The following LRRC71 variants were observed in gnomAD, a reference collection of about 807,000 sequenced individuals.
LRRC71 encodes the protein leucine rich repeat containing 71.
In LRRC71, 54 loss-of-function variants were observed where a neutral mutation model predicts 66.6. That is an observed-to-expected ratio of 0.81 (90% CI 0.65 to 1.02). The LOEUF is 1.02. LRRC71 is among the 50% of genes least tolerant of loss of function. The pLI is 0.00. For synonymous variants in LRRC71, 323 were observed against 303.9 expected (o/e 1.06, Z -0.65); for missense variants, 724 against 718.0 (o/e 1.01, Z -0.10).
chr1:156,924,808 C>T (rs1652941025), intron 4 of LRRC71, 90 bp downstream of exon 4: 2 of 1,508,188 alleles, frequency 1.3e-6, no homozygotes, highest in Non-Finnish European at 1.8e-6. Context: ...GCATGGGAGA[C>T]CCTGGCGACG....
In LRRC71 at chr1:156,929,366, G is replaced by A. The variant is rs1255320721; in HGVS notation, c.1083G>A (p.Lys361=). ...VGISNSALVD[K]TDKTQTMKTP... The stretch of plus-strand genomic sequence containing the variant: ...TCAGCAATAGTGCATTGGTGGACAA[G>A]ACAGACAAGACGCAGACAATGAAAA... Residue 361 remains lysine (K), a synonymous_variant, in exon 10 of 15, where the codon AAG becomes AAA. Transcript: ENST00000337428. 6.2e-6 allele frequency: 10 copies of A among 1,613,650 alleles called. No homozygotes were observed. Among genetic ancestry groups the A allele is most frequent in the South Asian group, 5.5e-5 (5 of 91,026 alleles).
chr1:156,924,844 A>G, intron 4 of LRRC71, 94 bp from the exon 5 acceptor site: 1 of 1,504,192 alleles, frequency 6.6e-7, no homozygotes, highest in Non-Finnish European at 9.0e-7. Context: ...GTGGGGGATG[A>G]GGAAGGGCAC....
At position 156,932,146 on chromosome 1, in the gene LRRC71, G is replaced by C. The variant is rs867260796; in HGVS notation, c.1441+119G>C. The C allele has an allele frequency of 1.4e-5, 12 of 838,166 alleles. No individual in the cohort carries two copies. In the South Asian group the frequency reaches 2.0e-4, roughly 14 times the overall value. 51.9% of individuals were successfully genotyped at this position (838,166 alleles called of 1,614,324 possible). On this transcript the variant is annotated intron_variant, in intron 13 of 14. Coordinates refer to ENST00000337428, the MANE Select transcript of LRRC71 (RefSeq NM_144702.3). ...TGGTCCTCCCATCTTTGGGCTACAT[G>C]TCCCCCAAGGCTCTCTGGCACAGGG... is the stretch of plus-strand genomic sequence containing the variant.
chr1:156,929,756 T>C, intron 11 of LRRC71, 27 bp downstream of exon 11: 3 of 1,538,640 alleles, frequency 1.9e-6, no homozygotes, highest in Non-Finnish European at 2.6e-6. Flanking sequence ...CTGGGTGGCA[T>C]CTTCCTGTGT....
At chr1:156,921,712 A>AAAACACACAC (rs1207574697) in intron 1 of LRRC71, 19 of 278,410 alleles carry the variant, frequency 6.8e-5, no homozygotes, top group African/African-American at 5.2e-4. Flanking sequence ...TTACATTCAA[A>AAAACACACAC]ACACACACAC....
chr1:156,928,086 A>G, intron 9 of LRRC71, 82 bp downstream of exon 9: 1 of 1,315,464 alleles, frequency 7.6e-7, no homozygotes, highest in Non-Finnish European at 1.1e-6. Context: ...GCTTTTCAGC[A>G]AACTGGCCAT....
At chr1:156,936,493 AAAAAATATATATAT>A (rs1265988932), downstream of LRRC71, among the ~76,000 whole-genome samples, 4 of 62,420 alleles carry the variant, frequency 6.4e-5, no homozygotes, top group Admixed American at 3.7e-4. Context: ...AAAAAAAAAA[AAAAAATATATATAT>A]ATATATATAT....
intron 11 of LRRC71, 41 bp from the exon 12 acceptor site, chr1:156,930,488 G>T: frequency 6.6e-7 from 1 of 1,516,600 alleles, no homozygotes; most frequent in South Asian, 1.2e-5. Flanking sequence ...GGTGGTATCA[G>T]AAGTGTGCAC....
chr1:156,926,286 C>T (rs945498553), intron 5 of LRRC71, among the ~76,000 whole-genome samples: 2 of 152,176 alleles, frequency 1.3e-5, no homozygotes, highest in African/African-American at 4.8e-5. Context: ...TGCTCTGGCT[C>T]AGGGTTTGAG....
chr1:156,921,597 G>C (rs112320025), intron 1 of LRRC71: 6 of 983,856 alleles, frequency 6.1e-6, no homozygotes, highest in African/African-American at 3.5e-5. Context: ...CTATCTCTTT[G>C]TCAGTGCTGG....
chr1:156,924,215 G>C, intron 2 of LRRC71, 117 bp downstream of exon 2: 2 of 1,273,558 alleles, frequency 1.6e-6, no homozygotes, highest in Non-Finnish European at 1.1e-6. Flanking sequence ...GTGAGTCGGC[G>C]GTATTCGACG....
chr1:156,924,873 G>C, intron 4 of LRRC71, 65 bp from the exon 5 acceptor site: 3 of 1,532,550 alleles, frequency 2.0e-6, no homozygotes, highest in Non-Finnish European at 2.7e-6. Context: ...GAACGGTGTG[G>C]GGAGGGTTTT....
At chr1:156,926,678 G>A (rs1653256224) in intron 5 of LRRC71, among the ~76,000 whole-genome samples, 1 of 151,520 alleles carries the variant, frequency 6.6e-6, no homozygotes, top group South Asian at 2.1e-4. Flanking sequence ...GGATTCAAGT[G>A]ATTCTTCTGC....
rs1225271526 is a variant in LRRC71 at position 156,924,406 on chromosome 1, C to T, written c.311-18C>T. 4.5e-6 allele frequency: 7 copies of T among 1,547,758 alleles called. No homozygotes were observed. The highest frequency in any genetic ancestry group is 8.7e-7 in the Non-Finnish European group (1 of 1,146,278). ...CTGGAGGTGGCTGTTCCCCTCCCTC[C>T]TCACCTCTGCCTTCCAGACGATCCG... On this transcript the variant is annotated intron_variant, in intron 2 of 14. Coordinates refer to ENST00000337428, the MANE Select transcript of LRRC71 (RefSeq NM_144702.3).
chr1:156,923,846 C>G, intron 1 of LRRC71, 103 bp from the exon 2 acceptor site: 1 of 1,241,378 alleles, frequency 8.1e-7, no homozygotes, highest in Non-Finnish European at 1.1e-6. Flanking sequence ...TGAATGGCTG[C>G]AAAAATATCC....
chr1:156,940,111 A>C, the LRRC71 span: 4 of 1,437,490 alleles, frequency 2.8e-6, no homozygotes, highest in Non-Finnish European at 3.7e-6. Flanking sequence ...CACCAGGAAG[A>C]GCCTTCGGGA....
At chr1:156,922,578 G>A (rs1652553798) in intron 1 of LRRC71, among the ~76,000 whole-genome samples, 1 of 152,210 alleles carries the variant, frequency 6.6e-6, no homozygotes, top group South Asian at 2.1e-4. Flanking sequence ...GGGGAAAAGA[G>A]CTGTGCTGTG....
At chr1:156,936,113 CAT>C (rs758723012), downstream of LRRC71, 14 of 1,555,598 alleles carry the variant, frequency 9.0e-6, no homozygotes, top group Middle Eastern at 1.7e-4. Context: ...ACCGCTTCCA[CAT>C]GTTTTGTCTA....
the LRRC71 span, chr1:156,940,545 T>C: frequency 5.6e-6 from 5 of 886,714 alleles, no homozygotes; most frequent in South Asian, 2.1e-5. Flanking sequence ...AGTTGTTTAC[T>C]GAGAACTTCC....
Sources: allele counts gnomAD v4.1 joint callset (sites outside exome capture counted in the v4.1 genomes callset), GRCh38; gene constraint gnomAD v4.1.1; transcripts MANE v1.5; gene names NCBI Gene and HGNC (gene_info 2026-07-23, HGNC 2026-07-21).